The following CHST8 variants were observed in gnomAD, a reference collection of about 807,000 sequenced individuals.
CHST8 encodes GALNAC-4-ST1.
In CHST8, 10 loss-of-function variants were observed where a neutral mutation model predicts 15.0. The ratio of observed to expected loss-of-function variants is 0.67; its 90% CI spans 0.41 to 1.13. The LOEUF (loss-of-function observed/expected upper bound fraction) is 1.13. CHST8 is among the 50% of genes most tolerant of loss of function. The probability of loss-of-function intolerance (pLI) is 0.00; values close to 1 mark genes in which losing one functional copy is unlikely to be tolerated. For synonymous variants in CHST8, 259 were observed against 256.6 expected (o/e 1.01, Z -0.09); for missense variants, 634 against 608.2 (o/e 1.04, Z -0.45).
At chr19:33,696,106 G>A (rs972239205) in intron 3 of CHST8, among the ~76,000 whole-genome samples, 7 of 152,026 alleles carry the variant, frequency 4.6e-5, no homozygotes, top group South Asian at 2.1e-4. Context: ...GATTGCAGGC[G>A]TGAGCCACCG....
intron 3 of CHST8, among the ~76,000 whole-genome samples, chr19:33,740,337 T>A (rs976626252): frequency 2.6e-5 from 4 of 152,192 alleles, no homozygotes; most frequent in African/African-American, 9.7e-5. Context: ...CAGAACCGTG[T>A]CATGGAAACC....
At chr19:33,632,774 T>A (rs1972139036) in intron 1 of CHST8, among the ~76,000 whole-genome samples, 1 of 150,676 alleles carries the variant, frequency 6.6e-6, no homozygotes, top group Non-Finnish European at 1.5e-5. Context: ...TGTGTGTGTA[T>A]GTGTGTGTGT....
At chr19:33,636,566 A>G (rs968600835) in intron 1 of CHST8, among the ~76,000 whole-genome samples, 27 of 152,180 alleles carry the variant, frequency 1.8e-4, no homozygotes, top group African/African-American at 6.5e-4. Context: ...CGCACAAGAA[A>G]AAATTCGGGC....
At chr19:33,717,173 T>C (rs1973679749) in intron 3 of CHST8, among the ~76,000 whole-genome samples, 1 of 152,142 alleles carries the variant, frequency 6.6e-6, no homozygotes. Flanking sequence ...GAAAAGTACA[T>C]GCTCTGGCTG....
rs781239866 is a variant in CHST8 at position 33,771,951 on chromosome 19, C to G, written c.169-6C>G. The G allele has an allele frequency of 6.4e-7, 1 of 1,555,254 alleles. No individual in the cohort carries two copies. Among genetic ancestry groups the G allele is most frequent in the Admixed American group, 2.0e-5 (1 of 50,302 alleles). Reference sequence around the variant, plus strand: ...ACTCAGATAACCACTTCTCTTCTTGCCCCAGGACCTCCCACCAGGCGGCTC... The same window carrying G: ...ACTCAGATAACCACTTCTCTTCTTGGCCCAGGACCTCCCACCAGGCGGCTC... On this transcript the variant is annotated splice_polypyrimidine_tract_variant and splice_region_variant and intron_variant, in intron 4 of 4. Coordinates refer to ENST00000650847, the MANE Select transcript of CHST8 (RefSeq NM_001127895.2).
Position 33,772,854 on chromosome 19 carries a change from A to ATGGAGG in CHST8, c.1066_1067insTGGAGG (p.Asn356delinsMetGluAsp). ...GTTCGAGAGCATGGAGGACGATGCC[A>ATGGAGG]ACTTCTTCCTGAGCCTCATCCGCGC... On this transcript the variant is annotated protein_altering_variant, in exon 5 of 5. Coordinates refer to ENST00000650847, the MANE Select transcript of CHST8 (RefSeq NM_001127895.2). 6.2e-7 allele frequency: 1 copy of ATGGAGG among 1,613,510 alleles called. No homozygotes were observed. Among genetic ancestry groups the ATGGAGG allele is most frequent in the Non-Finnish European group, 8.5e-7 (1 of 1,180,036 alleles).
At chr19:33,622,633 G>C (rs923477918) in intron 1 of CHST8, among the ~76,000 whole-genome samples, 2 of 152,144 alleles carry the variant, frequency 1.3e-5, no homozygotes, top group African/African-American at 4.8e-5. Flanking sequence ...TGCTGCCCGC[G>C]GGGAGGCGGC....
At chr19:33,655,564 G>C (rs369286824) in intron 1 of CHST8, among the ~76,000 whole-genome samples, 9 of 152,114 alleles carry the variant, frequency 5.9e-5, no homozygotes, top group African/African-American at 1.4e-4. Flanking sequence ...AGTGCCTTTG[G>C]GGGTGGGGAG....
rs1974612696 is a variant in CHST8, at chr19:33,757,525, A to AAGAAAGAAAGAAAGAAAGAG, written c.131-13887_131-13886insGAAAGAAAGAAAGAAAGAGA. 7.7e-5 allele frequency among the ~76,000 whole-genome samples: 2 copies of AAGAAAGAAAGAAAGAAAGAG among 26,088 alleles called. 1 individual carries two copies. Among genetic ancestry groups the AAGAAAGAAAGAAAGAAAGAG allele is most frequent in the African/African-American group, 3.2e-4 (2 of 6,214 alleles). 17.1% of individuals were successfully genotyped at this position (26,088 alleles called of 152,430 possible). A position where few individuals can be genotyped will look rare whatever the true frequency, so the allele number is the denominator to read the frequency against. On this transcript the variant is annotated intron_variant, in intron 3 of 4. Coordinates refer to ENST00000650847, the MANE Select transcript of CHST8 (RefSeq NM_001127895.2). ...AAGAAAGAAAGAAAGAAAGAAAGAG[A>AAGAAAGAAAGAAAGAAAGAG]AAGAAAGAAAGAAAGAAAGAAAGAA...
At chr19:33,651,593 T>G (rs1972449476) in intron 1 of CHST8, among the ~76,000 whole-genome samples, 4 of 152,194 alleles carry the variant, frequency 2.6e-5, no homozygotes, top group Admixed American at 1.3e-4. Context: ...TTCATCATAT[T>G]GCTTGTTCAA....
chr19:33,695,182 A>G (rs1314275962), intron 3 of CHST8, among the ~76,000 whole-genome samples: 1 of 151,986 alleles, frequency 6.6e-6, no homozygotes, highest in Non-Finnish European at 1.5e-5. Context: ...CCTGGGCTCA[A>G]GTGATCTCCC....
intron 3 of CHST8, among the ~76,000 whole-genome samples, chr19:33,691,365 G>A (rs1336505004): frequency 2.0e-5 from 3 of 152,222 alleles, no homozygotes; most frequent in Non-Finnish European, 2.9e-5. Context: ...CCCTCACCAC[G>A]TGCCAGGTGA....
At chr19:33,696,565 A>T (rs533861969) in intron 3 of CHST8, among the ~76,000 whole-genome samples, 85 of 152,292 alleles carry the variant, frequency 5.6e-4, no homozygotes, top group Non-Finnish European at 1.0e-3. Context: ...TATACATTAT[A>T]TATTACAATG....
intron 3 of CHST8, among the ~76,000 whole-genome samples, chr19:33,760,415 T>A (rs567500887): frequency 6.6e-6 from 1 of 151,852 alleles, no homozygotes; most frequent in South Asian, 2.1e-4. Context: ...ACGCTTGGAC[T>A]CAACTGATCC....
intron 1 of CHST8, among the ~76,000 whole-genome samples, chr19:33,636,456 G>A (rs947768200): frequency 2.0e-5 from 3 of 152,272 alleles, no homozygotes; most frequent in Non-Finnish European, 4.4e-5. Context: ...TGGTATGTGC[G>A]TGAGTGCCTG....
chr19:33,661,829 G>A (rs147278227), intron 1 of CHST8, among the ~76,000 whole-genome samples: 3 of 144,654 alleles, frequency 2.1e-5, no homozygotes, highest in South Asian at 2.2e-4. Context: ...CCAGGAGTTC[G>A]AGACCACCCT....
chr19:33,759,125 C>T (rs1189878690), intron 3 of CHST8, among the ~76,000 whole-genome samples: 1 of 152,038 alleles, frequency 6.6e-6, no homozygotes, highest in Non-Finnish European at 1.5e-5. Flanking sequence ...AGCCAAACAC[C>T]CCCCACCAGG....
chr19:33,741,311 C>T (rs1359686104), intron 3 of CHST8, among the ~76,000 whole-genome samples: 1 of 148,468 alleles, frequency 6.7e-6, no homozygotes, highest in Non-Finnish European at 1.5e-5. Flanking sequence ...GGAAAGCAGA[C>T]TGAGGCAGCG....
chr19:33,704,823 T>C (rs1973415784), intron 3 of CHST8, among the ~76,000 whole-genome samples: 2 of 150,064 alleles, frequency 1.3e-5, no homozygotes, highest in Non-Finnish European at 2.9e-5. Context: ...GGCAGGAGAA[T>C]AGCTTGAACC....
Sources: gnomAD v4.1 joint callset for allele counts (sites outside exome capture counted in the v4.1 genomes callset) on GRCh38, gnomAD v4.1.1 for gene constraint, MANE v1.5 for transcripts, NCBI Gene and HGNC (gene_info 2026-07-23, HGNC 2026-07-21) for gene names.